The following ACAT2 variants were observed in gnomAD, a reference collection of about 807,000 sequenced individuals.
ACAT2 encodes the protein acetyl-CoA acetyltransferase 2, also known as acetyl-CoA acetyltransferase, cytosolic.
ACAT2 carries 26 observed loss-of-function variants against 37.1 expected under a neutral mutation model. That is an observed-to-expected ratio of 0.70 (90% confidence interval 0.51 to 0.97). ACAT2 has a LOEUF of 0.97. ACAT2 is among the 50% of genes least tolerant of loss of function. The pLI is 0.00. For missense variants in ACAT2, 468 were observed against 489.0 expected (o/e 0.96, Z 0.40); for synonymous variants, 156 against 163.6 (o/e 0.95, Z 0.35).
chr6:159,775,084 A>G (rs1353056004), intron 4 of ACAT2, 86 bp from the exon 5 acceptor site: 2 of 1,463,254 alleles, frequency 1.4e-6, no homozygotes, highest in Non-Finnish European at 1.9e-6. Context: ...GTGGTCAGTC[A>G]GTGCTTGGTC....
intron 2 of ACAT2, among the ~76,000 whole-genome samples, chr6:159,765,055 T>C: frequency 6.6e-6 from 1 of 152,240 alleles, no homozygotes; most frequent in Non-Finnish European, 1.5e-5. Flanking sequence ...GAAATTCTCA[T>C]TCTCATGAAG....
Position 159,778,997 on chromosome 6 carries a change from T to C in ACAT2, c.*168T>C. ...TTAATGTGTAATACTCAACTCAAGG[T>C]ACAAGACAATTGCATTTAACATTGT... On this transcript the variant is annotated 3_prime_UTR_variant, in exon 9 of 9. Coordinates refer to ENST00000367048, the MANE Select transcript of ACAT2 (RefSeq NM_005891.3). 6.3e-7 allele frequency: 1 copy of C among 1,590,292 alleles called. No homozygotes were observed. The highest frequency in any genetic ancestry group is 8.6e-7 in the Non-Finnish European group (1 of 1,163,354).
intron 4 of ACAT2, among the ~76,000 whole-genome samples, chr6:159,774,889 G>A (rs1200082161): frequency 2.0e-5 from 3 of 152,168 alleles, no homozygotes; most frequent in African/African-American, 7.2e-5. Context: ...AAAGCAAATG[G>A]AGGGAAAATA....
chr6:159,774,426 G>A (rs1418820628), intron 4 of ACAT2, among the ~76,000 whole-genome samples: 1 of 152,164 alleles, frequency 6.6e-6, no homozygotes, highest in Admixed American at 6.6e-5. Flanking sequence ...AGATAATAGT[G>A]TTTGATTCAT....
intron 2 of ACAT2, among the ~76,000 whole-genome samples, chr6:159,763,799 T>C (rs1046779281): frequency 6.6e-6 from 1 of 150,502 alleles, no homozygotes; most frequent in Admixed American, 6.6e-5. Flanking sequence ...CACTGCCTTT[T>C]CATTCTTACG....
At position 159,768,610 on chromosome 6, in the gene ACAT2, T is replaced by C; in HGVS notation, c.472T>C (p.Cys158Arg). 1 of 1,610,778 alleles carries C rather than the reference T, an allele frequency of 6.2e-7. No individual in the cohort carries two copies. Among genetic ancestry groups the C allele is most frequent in the Non-Finnish European group, 8.5e-7 (1 of 1,176,972 alleles). ...CDGLTDAFHN[C>R]HMGITAENVA... Reference sequence around the variant, plus strand: ...TGGTCTTACAGATGCATTTCACAACTGTCATATGGGTATTACAGGTAAGGC... The same window carrying C: ...TGGTCTTACAGATGCATTTCACAACCGTCATATGGGTATTACAGGTAAGGC... The change falls in exon 4 of 9, where the codon TGT becomes CGT. Residue 158 changes from cysteine to arginine, a missense_variant. Cys to Arg is a radical substitution (Grantham distance 180, BLOSUM62 -3). Transcript: ENST00000367048.
chr6:159,770,024 A>G (rs1780311485), intron 4 of ACAT2, among the ~76,000 whole-genome samples: 1 of 152,118 alleles, frequency 6.6e-6, no homozygotes, highest in African/African-American at 2.4e-5. Context: ...CTCCTTGGAC[A>G]CTCCATTGAC....
intron 7 of ACAT2, 109 bp downstream of exon 7, chr6:159,777,565 G>A (rs1021747769): frequency 1.6e-6 from 2 of 1,266,796 alleles, no homozygotes; most frequent in Non-Finnish European, 2.1e-6. Context: ...GTAACCAAGA[G>A]CATTTATTTC....
In ACAT2 at chr6:159,776,282, T is replaced by A. The variant is rs377397601; in HGVS notation, c.757+10T>A. On this transcript the variant is annotated intron_variant, in intron 6 of 8. Transcript: ENST00000367048. ...CCAGCCAATGCTTCAGGTTAGATTT[T>A]CTGAAGGACATCTGGGGGAATACTA... 3 of 1,613,306 alleles carry A rather than the reference T, an allele frequency of 1.9e-6. No homozygotes were observed. Among genetic ancestry groups the A allele is most frequent in the African/African-American group, 2.7e-5 (2 of 74,992 alleles).
chr6:159,777,306 A>G lies in ACAT2; in HGVS notation c.762A>G (p.Ile254Met), dbSNP rs1780437584. 1.2e-6 allele frequency: 2 copies of G among 1,611,688 alleles called. No individual in the cohort carries two copies. Among genetic ancestry groups the G allele is most frequent in the African/African-American group, 2.7e-5 (2 of 74,952 alleles). Residue 254 changes from isoleucine (I) to methionine (M), a missense_variant, in exon 7 of 9, where the codon ATA (isoleucine) becomes ATG (methionine). Transcript: ENST00000367048. The stretch of plus-strand genomic sequence containing the variant: ...TAAGTCACTCATATTTTACAGGAAT[A>G]AATGATGGTGCTGCAGCTGTCGTTC... ...GTVTPANASG[I>M]NDGAAAVVLM...
chr6:159,765,303 A>G (rs1780235922), intron 2 of ACAT2, among the ~76,000 whole-genome samples: 1 of 151,858 alleles, frequency 6.6e-6, no homozygotes, highest in Non-Finnish European at 1.5e-5. Context: ...TTTAGTAGAG[A>G]TGGGGTTTCA....
chr6:159,775,633 C>T (rs1383198980), intron 5 of ACAT2: 1 of 258,880 alleles, frequency 3.9e-6, no homozygotes, highest in East Asian at 8.5e-5. Context: ...CCTGTATAGG[C>T]TCAACCTCCT....
rs1293433567 is a variant in ACAT2, at chr6:159,762,464, C to T, written c.55+322C>T. 27 of 1,330,642 alleles carry T rather than the reference C, an allele frequency of 2.0e-5. 1 individual carries two copies. The highest frequency in any genetic ancestry group is 9.2e-5 in the South Asian group (6 of 65,470). The allele number at this position is 1,330,642 out of a possible 1,614,324, so 82.4% of individuals were successfully genotyped here. ...CTCCGGGGCCCCTGATTGGCCGGCT[C>T]CGGGAGGCGCCATCGGTAATGCCTG... On this transcript the variant is annotated intron_variant, in intron 1 of 8. Coordinates refer to ENST00000367048, the MANE Select transcript of ACAT2 (RefSeq NM_005891.3).
chr6:159,769,673 G>C (rs1380972111), intron 4 of ACAT2, among the ~76,000 whole-genome samples: 2 of 152,176 alleles, frequency 1.3e-5, no homozygotes, highest in Non-Finnish European at 2.9e-5. Flanking sequence ...TGAGAGAAGG[G>C]AAAACCCCAC....
chr6:159,772,580 G>A (rs4276525), intron 4 of ACAT2, among the ~76,000 whole-genome samples: 117,483 of 152,150 alleles, frequency 0.77, 45,701 homozygotes, highest in South Asian at 0.85. Context: ...GAGATAAATC[G>A]TGGATTTAAA....
intron 4 of ACAT2, among the ~76,000 whole-genome samples, chr6:159,772,000 C>T (rs1448046619): frequency 6.6e-6 from 1 of 152,136 alleles, no homozygotes; most frequent in Non-Finnish European, 1.5e-5. Flanking sequence ...CCGAGGCGGG[C>T]GGATCATGAG....
At position 159,777,438 on chromosome 6, in the gene ACAT2, T is replaced by G. The variant is rs199859234; in HGVS notation, c.894T>G (p.Ile298Met). 1.2e-6 allele frequency: 2 copies of G among 1,611,078 alleles called. No homozygotes were observed. The highest frequency in any genetic ancestry group is 1.7e-6 in the Non-Finnish European group (2 of 1,179,080). Reference sequence around the variant, plus strand: ...CTTCCATTATGGGAATAGGACCAATTCCAGCCATAAAGCAAGCTGTGAGTA... The same window carrying G: ...CTTCCATTATGGGAATAGGACCAATGCCAGCCATAAAGCAAGCTGTGAGTA... ...VEPSIMGIGP[I>M]PAIKQAVTKA... The change falls in exon 7 of 9, where the codon ATT (isoleucine) becomes ATG (methionine). Residue 298 changes from isoleucine to methionine, a missense_variant. By Grantham distance (10) the Ile-to-Met change is conservative. Transcript: ENST00000367048.
intron 2 of ACAT2, among the ~76,000 whole-genome samples, chr6:159,764,345 G>A (rs12528772): frequency 0.47 from 70,791 of 151,846 alleles, 18,537 homozygotes; most frequent in Non-Finnish European, 0.58. Context: ...TGCAAATGGG[G>A]CATATCACTC....
intron 3 of ACAT2, among the ~76,000 whole-genome samples, chr6:159,767,818 T>G (rs572112174): frequency 3.2e-4 from 48 of 152,342 alleles, no homozygotes; most frequent in Middle Eastern, 6.8e-3. Context: ...GGAGGCAGGC[T>G]AAAGGTAACA....
Sources: gnomAD v4.1 joint callset for allele counts (sites outside exome capture counted in the v4.1 genomes callset) on GRCh38, gnomAD v4.1.1 for gene constraint, MANE v1.5 for transcripts, NCBI Gene and HGNC (gene_info 2026-07-23, HGNC 2026-07-21) for gene names.